The following ZNF277 variants were observed in gnomAD, a reference collection of about 807,000 sequenced individuals.
ZNF277 encodes nuclear receptor-interacting factor 4.
ZNF277 carries 55 observed loss-of-function variants against 60.7 expected under a neutral mutation model. That is an observed-to-expected ratio of 0.91 (90% CI 0.73 to 1.13). The LOEUF (loss-of-function observed/expected upper bound fraction) is 1.13, where lower values mean the gene tolerates loss of function less well. Among genes scored for constraint, ZNF277 ranks in the 50% most tolerant of loss-of-function variants. The probability of loss-of-function intolerance (pLI) is 0.00; values close to 1 mark genes in which losing one functional copy is unlikely to be tolerated. For missense variants in ZNF277, 510 were observed against 523.0 expected, an observed-to-expected ratio of 0.98 and a Z score of 0.24; for synonymous variants, 178 against 179.3, an observed-to-expected ratio of 0.99 and a Z score of 0.06.
At chr7:112,253,853 C>T (rs1473065291) in intron 1 of ZNF277, among the ~76,000 whole-genome samples, 3 of 152,116 alleles carry the variant, frequency 2.0e-5, no homozygotes, top group Non-Finnish European at 4.4e-5. Context: ...AGAAACTGTA[C>T]AATGTGACTT....
chr7:112,313,159 T>C (rs1043901552), intron 4 of ZNF277, among the ~76,000 whole-genome samples: 1 of 152,178 alleles, frequency 6.6e-6, no homozygotes, highest in African/African-American at 2.4e-5. Flanking sequence ...TCATTTTCCT[T>C]AGCTGTTGGG....
At chr7:112,308,827 C>G (rs1334681550) in intron 4 of ZNF277, among the ~76,000 whole-genome samples, 2 of 151,970 alleles carry the variant, frequency 1.3e-5, no homozygotes, top group Admixed American at 6.6e-5. Flanking sequence ...GACTCAAGAG[C>G]CTTCATAAGG....
At chr7:112,260,903 ATTTTTC>A (rs1347931230) in intron 1 of ZNF277, among the ~76,000 whole-genome samples, 1 of 152,090 alleles carries the variant, frequency 6.6e-6, no homozygotes, top group African/African-American at 2.4e-5. Flanking sequence ...AATTTATGAT[ATTTTTC>A]TTTTAGTCTT....
chr7:112,256,421 G>GTT (rs779126085), intron 1 of ZNF277, among the ~76,000 whole-genome samples: 4,211 of 95,370 alleles, frequency 0.044, 353 homozygotes, highest in African/African-American at 0.052. Context: ...CTTCTTTGGA[G>GTT]TTTTTTTTTT....
intron 1 of ZNF277, among the ~76,000 whole-genome samples, chr7:112,270,474 AG>A (rs1791643446): frequency 6.6e-6 from 1 of 152,106 alleles, no homozygotes. Context: ...ATAATGAGAA[AG>A]CTCGGCCCTG....
Position 112,343,603 on chromosome 7 carries a change from A to C in ZNF277, c.*874A>C, listed in dbSNP as rs995908616. On this transcript the variant is annotated 3_prime_UTR_variant, in exon 12 of 12. Coordinates refer to ENST00000361822, the MANE Select transcript of ZNF277 (RefSeq NM_021994.3). Reference sequence around the variant, plus strand: ...TTTTGTAGATTTATACCAAAAATGCATAATTTGGATATAATGAAGAAACAG... The same window carrying C: ...TTTTGTAGATTTATACCAAAAATGCCTAATTTGGATATAATGAAGAAACAG... Among the ~76,000 whole-genome samples the C allele has an allele frequency of 3.9e-5, 6 of 152,164 alleles. No individual in the cohort carries two copies. The highest frequency in any genetic ancestry group is 1.4e-4 in the African/African-American group (6 of 41,420).
intron 6 of ZNF277, among the ~76,000 whole-genome samples, chr7:112,328,592 C>T (rs139434457): frequency 3.2e-4 from 48 of 152,112 alleles, no homozygotes; most frequent in Non-Finnish European, 2.8e-4. Context: ...AAATAAGGGC[C>T]GGGTGTGGTA....
intron 1 of ZNF277, among the ~76,000 whole-genome samples, chr7:112,261,898 A>C (rs1791445247): frequency 6.6e-6 from 1 of 152,170 alleles, no homozygotes; most frequent in African/African-American, 2.4e-5. Context: ...GTTTTTAAGT[A>C]ACATCTTTTG....
Position 112,306,694 on chromosome 7 carries a change from G to A in ZNF277, c.465+10383G>A, listed in dbSNP as rs113570651. On this transcript the variant is annotated intron_variant, in intron 4 of 11. Coordinates refer to ENST00000361822, the MANE Select transcript of ZNF277 (RefSeq NM_021994.3). The stretch of plus-strand genomic sequence containing the variant: ...TCTTTTCCAGCCACCTTTCTATCAG[G>A]TTGTTTCCAGACCTGACCTATCCTG... Among the ~76,000 whole-genome samples, 901 of 151,934 alleles carry A rather than the reference G, an allele frequency of 5.9e-3. 14 individuals carry two copies. Among genetic ancestry groups the A allele is most frequent in the African/African-American group, 0.02 (826 of 41,374 alleles).
chr7:112,325,202 A>T (rs912856177), intron 5 of ZNF277, among the ~76,000 whole-genome samples: 1 of 152,100 alleles, frequency 6.6e-6, no homozygotes, highest in African/African-American at 2.4e-5. Context: ...CCCTTTTCAG[A>T]GCCTGGATAT....
intron 1 of ZNF277, among the ~76,000 whole-genome samples, chr7:112,241,928 A>G (rs1031277950): frequency 6.6e-6 from 1 of 152,124 alleles, no homozygotes; most frequent in Non-Finnish European, 1.5e-5. Context: ...AATAAGATCT[A>G]GTGTTTAATA....
Position 112,337,823 on chromosome 7 carries a change from G to A in ZNF277, c.963G>A (p.Met321Ile). The change falls in exon 9 of 12, where the codon ATG becomes ATA. Residue 321 changes from methionine (M) to isoleucine (I), a missense_variant. Met to Ile is a conservative substitution (Grantham distance 10). Transcript: ENST00000361822. ...CAATTGAGAAGTTGTATGTCCACAT[G>A]GAGGTAAGATACCTGTATTTATTTG... is the stretch of plus-strand genomic sequence containing the variant. ...AETIEKLYVH[M>I]EDAHEFDLLK... 6.2e-7 allele frequency: 1 copy of A among 1,609,368 alleles called. No homozygotes were observed. Among genetic ancestry groups the A allele is most frequent in the Non-Finnish European group, 8.5e-7 (1 of 1,178,244 alleles).
At chr7:112,249,790 C>T (rs149252081) in intron 1 of ZNF277, among the ~76,000 whole-genome samples, 4 of 152,172 alleles carry the variant, frequency 2.6e-5, no homozygotes, top group African/African-American at 9.7e-5. Flanking sequence ...TTATCACTTC[C>T]CCAGTCAATA....
intron 1 of ZNF277, among the ~76,000 whole-genome samples, chr7:112,230,229 C>CTT (rs1822286887): frequency 6.6e-6 from 1 of 152,100 alleles, no homozygotes; most frequent in Non-Finnish European, 1.5e-5. Context: ...GAATTTGAGA[C>CTT]CAGCCTGGCC....
At position 112,221,451 on chromosome 7, in the gene ZNF277, G is replaced by A. The variant is rs192521547; in HGVS notation, c.91+14644G>A. On this transcript the variant is annotated intron_variant, in intron 1 of 11. Coordinates refer to ENST00000361822, the MANE Select transcript of ZNF277 (RefSeq NM_021994.3). ...ATGGCAGTGGTCCCCAACCTTCTTG[G>A]CACCAGGGACTGGTTTCGTGGAAGA... Among the ~76,000 whole-genome samples the A allele has an allele frequency of 4.8e-3, 729 of 152,288 alleles. 5 individuals are homozygous for A. Among genetic ancestry groups the A allele is most frequent in the Non-Finnish European group, 7.1e-3 (481 of 68,016 alleles).
chr7:112,221,354 C>T (rs1446959364), intron 1 of ZNF277, among the ~76,000 whole-genome samples: 4 of 152,008 alleles, frequency 2.6e-5, no homozygotes, highest in Admixed American at 6.6e-5. Flanking sequence ...AGAGGCTTGC[C>T]GCCATCTTGG....
intron 5 of ZNF277, 120 bp downstream of exon 5, chr7:112,318,393 A>G: frequency 1.3e-6 from 1 of 772,568 alleles, no homozygotes; most frequent in South Asian, 1.9e-5. Context: ...TTTCGTATAT[A>G]AGCAGTCCTT....
intron 9 of ZNF277, 75 bp downstream of exon 9, chr7:112,337,901 G>T (rs1218440125): frequency 4.9e-6 from 6 of 1,219,542 alleles, no homozygotes; most frequent in Non-Finnish European, 5.8e-6. Context: ...ACCCTCATCT[G>T]CTTTTACTTC....
At chr7:112,340,128 A>T (rs544687608) in intron 10 of ZNF277, among the ~76,000 whole-genome samples, 76 of 152,334 alleles carry the variant, frequency 5.0e-4, no homozygotes, top group Non-Finnish European at 1.0e-3. Flanking sequence ...CAAGTGAAAT[A>T]TAAGTTAGTG....
Sources: gnomAD v4.1 joint callset for allele counts (sites outside exome capture counted in the v4.1 genomes callset) on GRCh38, gnomAD v4.1.1 for gene constraint, MANE v1.5 for transcripts, NCBI Gene and HGNC (gene_info 2026-07-23, HGNC 2026-07-21) for gene names.